Variants in NCOA2 observed in about 807,000 individuals in gnomAD.
NCOA2 encodes class E basic helix-loop-helix protein 75.
NCOA2 carries 21 observed loss-of-function variants against 145.1 expected under a neutral mutation model. The ratio of observed to expected loss-of-function variants is 0.14; its 90% CI spans 0.10 to 0.21. The LOEUF (loss-of-function observed/expected upper bound fraction) is 0.21. Among genes scored for constraint, NCOA2 ranks in the 10% least tolerant of loss-of-function variants. NCOA2 has a pLI of 1.00. For missense variants in NCOA2, 1,472 were observed against 1,837.6 expected (o/e 0.80, Z 3.64); for synonymous variants, 619 against 637.5 (o/e 0.97, Z 0.44).
At chr8:70,159,242 A>ATATATATTTTTTTTTTTT in intron 10 of NCOA2, among the ~76,000 whole-genome samples, 4 of 61,076 alleles carry the variant, frequency 6.5e-5, no homozygotes, top group African/African-American at 2.2e-4. Context: ...ATATATATAT[A>ATATATATTTTTTTTTTTT]TTTTTTTTTT....
At chr8:70,424,270 T>C in the NCOA2 span, 1 of 387,814 alleles carries the variant, frequency 2.6e-6, no homozygotes, top group South Asian at 2.1e-5. Flanking sequence ...ACGGAGCTTG[T>C]TATCCAGATC....
chr8:70,237,819 C>G (rs1821764039), intron 2 of NCOA2, among the ~76,000 whole-genome samples: 3 of 151,828 alleles, frequency 2.0e-5, no homozygotes, highest in African/African-American at 2.4e-5. Context: ...TTACTACATA[C>G]TCTTCATAGC....
Position 70,284,281 on chromosome 8 carries a change from A to C in NCOA2, c.-20+12463T>G, listed in dbSNP as rs549034846. 1.6e-3 allele frequency among the ~76,000 whole-genome samples: 248 copies of C among 152,342 alleles called. 1 individual carries two copies. Among genetic ancestry groups the C allele is most frequent in the Non-Finnish European group, 2.9e-3 (198 of 68,024 alleles). ...TCCTTGGATACAAATTTGAAAAATA[A>C]ATGTCCTCCTCTTTCTCTTTCACTC... On this transcript the variant is annotated intron_variant, in intron 2 of 22. Transcript: ENST00000452400.
chr8:70,141,355 C>G lies in NCOA2; in HGVS notation c.2857G>C (p.Glu953Gln), dbSNP rs755929711. ...SASRPTMPSG[E>Q]WAPQSSAVRV... is the part of the protein sequence containing the mutation. ...ACAGCCGAACTCTGCGGTGCCCATT[C>G]TCCAGATGGCATAGTAGGCCGAGAA... The change falls in exon 14 of 23, where the codon GAA becomes CAA. Residue 953 changes from glutamate to glutamine, a missense_variant. By Grantham distance (29) the Glu-to-Gln change is conservative. Transcript: ENST00000452400. 4.3e-6 allele frequency: 7 copies of G among 1,613,788 alleles called. No homozygotes were observed. Among genetic ancestry groups the G allele is most frequent in the African/African-American group, 1.3e-5 (1 of 74,910 alleles).
intron 1 of NCOA2, among the ~76,000 whole-genome samples, chr8:70,301,677 A>G (rs966439061): frequency 1.5e-4 from 23 of 148,640 alleles, no homozygotes; most frequent in African/African-American, 3.2e-4. Context: ...AAAAAAAAAA[A>G]AAAGAAAGAT....
rs539096655 is a variant in NCOA2, at chr8:70,339,845, T to C, written c.-76-43045A>G. On this transcript the variant is annotated intron_variant, in intron 1 of 22. Transcript: ENST00000452400. ...ACAAAAACATGCAATGGGGAAAAGA[T>C]TCCCCGTTTAATAAATGGTGCTGGG... 2.6e-5 allele frequency among the ~76,000 whole-genome samples: 4 copies of C among 152,290 alleles called. No homozygotes were observed. In the East Asian group the frequency reaches 7.7e-4, roughly 29 times the overall value.
chr8:70,375,694 T>C (rs1811603966), intron 1 of NCOA2, among the ~76,000 whole-genome samples: 1 of 152,024 alleles, frequency 6.6e-6, no homozygotes, highest in South Asian at 2.1e-4. Context: ...CTGGTTAGAG[T>C]TCCACAACCA....
chr8:70,326,216 T>G (rs1806540002), intron 1 of NCOA2, among the ~76,000 whole-genome samples: 1 of 152,194 alleles, frequency 6.6e-6, no homozygotes, highest in Non-Finnish European at 1.5e-5. Flanking sequence ...ATGTATGAAG[T>G]ATACATCCTC....
chr8:70,284,966 G>C (rs1826137570), intron 2 of NCOA2, among the ~76,000 whole-genome samples: 1 of 152,106 alleles, frequency 6.6e-6, no homozygotes, highest in African/African-American at 2.4e-5. Context: ...GAACAGATTA[G>C]ACTCAAGTTG....
chr8:70,121,233 A>AGTAGATTAAAGATATTTTACGATTAT, intron 22 of NCOA2, 69 bp downstream of exon 22: 1 of 1,278,670 alleles, frequency 7.8e-7, no homozygotes, highest in Non-Finnish European at 1.1e-6. Context: ...TATCTATGCC[A>AGTAGATTAAAGATATTTTACGATTAT]CTTTTGGTCT....
chr8:70,380,557 C>T (rs192416412), intron 1 of NCOA2, among the ~76,000 whole-genome samples: 2 of 152,282 alleles, frequency 1.3e-5, no homozygotes, highest in Admixed American at 1.3e-4. Flanking sequence ...AAGATTTCTG[C>T]TGTCACAGAG....
At chr8:70,402,850 G>A (rs1814456906) in intron 1 of NCOA2, among the ~76,000 whole-genome samples, 1 of 143,928 alleles carries the variant, frequency 6.9e-6, no homozygotes, top group South Asian at 2.3e-4. Flanking sequence ...GGGCGAGCCC[G>A]GCTCGGCGCC....
intron 1 of NCOA2, among the ~76,000 whole-genome samples, chr8:70,302,316 G>A (rs887643907): frequency 6.6e-6 from 1 of 152,102 alleles, no homozygotes; most frequent in African/African-American, 2.4e-5. Context: ...TTCCCAATAA[G>A]TTTGATGGTG....
intron 1 of NCOA2, among the ~76,000 whole-genome samples, chr8:70,308,556 T>G (rs1828069413): frequency 6.6e-6 from 1 of 152,048 alleles, no homozygotes; most frequent in African/African-American, 2.4e-5. Context: ...AGATACATAG[T>G]TACAGGTATT....
rs777306143 is a variant in NCOA2 at position 70,148,393 on chromosome 8, C to T, written c.2485G>A (p.Ala829Thr). The T allele has an allele frequency of 6.2e-6, 10 of 1,613,916 alleles. No individual in the cohort carries two copies. In the East Asian group the frequency reaches 8.9e-5, roughly 14 times the overall value. ...PQLFPDTRPG[A>T]PAGSVDKQAI... ...TGCTTGTCAACTGATCCAGCAGGGG[C>T]GCCTGGCCTCGTGTCTGGGAAAAGC... Residue 829 changes from alanine to threonine, a missense_variant, in exon 12 of 23, where the codon GCC (alanine) becomes ACC (threonine). Physicochemically the swap from Ala to Thr is moderately conservative, Grantham distance 58. Transcript: ENST00000452400.
At chr8:70,450,827 A>T in the NCOA2 span, among the ~76,000 whole-genome samples, 4,279 of 151,372 alleles carry the variant, frequency 0.028, 219 homozygotes, top group African/African-American at 0.098. Context: ...TTGGCCTCCC[A>T]AAGTGCTGGA....
chr8:70,211,453 C>CAA (rs1301400749), intron 4 of NCOA2, among the ~76,000 whole-genome samples: 3 of 120,040 alleles, frequency 2.5e-5, no homozygotes, highest in Non-Finnish European at 3.5e-5. Flanking sequence ...AGCAAGACTC[C>CAA]AAAAAAAAAA....
chr8:70,442,003 A>G, the NCOA2 span, among the ~76,000 whole-genome samples: 1 of 55,532 alleles, frequency 1.8e-5, no homozygotes, highest in Non-Finnish European at 5.4e-5. Flanking sequence ...AAAGGAAAGA[A>G]AGAAATAAAG....
Position 70,156,552 on chromosome 8 carries a change from G to A in NCOA2, c.1813C>T (p.His605Tyr), listed in dbSNP as rs1425494943. Residue 605 changes from histidine (H) to tyrosine (Y), a missense_variant, in exon 11 of 23, where the codon CAT becomes TAT. Transcript: ENST00000452400. Reference sequence around the variant, plus strand: ...TTTGTTTCCTTTTGCTCTCCAGGATGGCAGCTGCTCTCTGCTTGTCCAGTT... The same window carrying A: ...TTTGTTTCCTTTTGCTCTCCAGGATAGCAGCTGCTCTCTGCTTGTCCAGTT... ...GTTGQAESSCHPGEQKETNDP... is the reference protein window; with the variant it reads ...GTTGQAESSCYPGEQKETNDP... 9.3e-6 allele frequency: 15 copies of A among 1,613,884 alleles called. No homozygotes were observed. Among genetic ancestry groups the A allele is most frequent in the Non-Finnish European group, 1.3e-5 (15 of 1,179,868 alleles).
Sources: gnomAD v4.1 joint callset for allele counts (sites outside exome capture counted in the v4.1 genomes callset) on GRCh38, gnomAD v4.1.1 for gene constraint, MANE v1.5 for transcripts, NCBI Gene and HGNC (gene_info 2026-07-23, HGNC 2026-07-21) for gene names.